TIAM1: variants seen among roughly 807,000 people sequenced by gnomAD.
The protein encoded by TIAM1 is TIAM Rac1 associated GEF 1, also known as rho guanine nucleotide exchange factor TIAM1.
Under a neutral mutation model 163.5 loss-of-function variants are expected in TIAM1, and 65 were observed. The ratio of observed to expected loss-of-function variants is 0.40; its 90% CI spans 0.33 to 0.49. The LOEUF is 0.49. Among genes scored for constraint, TIAM1 ranks in the 20% least tolerant of loss-of-function variants. The pLI, the probability that TIAM1 is intolerant of heterozygous loss-of-function variation, is 0.77. For missense variants in TIAM1, 1,789 were observed against 2,044.7 expected (o/e 0.87, Z 2.41); for synonymous variants, 833 against 810.1 (o/e 1.03, Z -0.48).
intron 6 of TIAM1, among the ~76,000 whole-genome samples, chr21:31,244,822 C>A (rs1433816413): frequency 6.6e-6 from 1 of 152,206 alleles, no homozygotes; most frequent in African/African-American, 2.4e-5. Flanking sequence ...GAAAATAATT[C>A]TTCAATGGAA....
In TIAM1 at chr21:31,453,197, T is replaced by A. The variant is rs1283026948; in HGVS notation, c.-369+10786A>T. ...GTTACGGCGGTGGAAAAACTTAAAG[T>A]TGCCTAGGAAGAGAATGTCTAAATA... On this transcript the variant is annotated intron_variant, in intron 2 of 28. Transcript: ENST00000286827. 1.9e-5 allele frequency: 5 copies of A among 264,420 alleles called. No individual in the cohort carries two copies. In the Admixed American group the frequency reaches 1.9e-4, roughly 10 times the overall value. 16.4% of individuals were successfully genotyped at this position (264,420 alleles called of 1,614,324 possible).
At chr21:31,453,918 C>T (rs1487965215) in intron 2 of TIAM1, among the ~76,000 whole-genome samples, 3 of 152,068 alleles carry the variant, frequency 2.0e-5, no homozygotes, top group African/African-American at 4.8e-5. Flanking sequence ...ACACTGGCCA[C>T]CTTTCTGTTG....
chr21:31,415,305 C>T (rs2043333958), intron 2 of TIAM1, among the ~76,000 whole-genome samples: 1 of 152,210 alleles, frequency 6.6e-6, no homozygotes, highest in Non-Finnish European at 1.5e-5. Flanking sequence ...ATATTCATAG[C>T]TGCCAATGAA....
intron 2 of TIAM1, among the ~76,000 whole-genome samples, chr21:31,281,825 G>C (rs2073580290): frequency 6.6e-6 from 1 of 152,076 alleles, no homozygotes; most frequent in Admixed American, 6.6e-5. Context: ...GATGGATAGA[G>C]TGATAGTGGA....
intron 2 of TIAM1, among the ~76,000 whole-genome samples, chr21:31,399,139 T>C (rs1241580837): frequency 6.6e-6 from 1 of 152,176 alleles, no homozygotes; most frequent in Non-Finnish European, 1.5e-5. Flanking sequence ...ATTTATACTA[T>C]GTATAATAAA....
At chr21:31,296,051 A>G (rs969724839) in intron 2 of TIAM1, among the ~76,000 whole-genome samples, 2 of 152,160 alleles carry the variant, frequency 1.3e-5, no homozygotes, top group Non-Finnish European at 2.9e-5. Context: ...CGCCTGCCTC[A>G]GCCTCCCAAA....
chr21:31,136,405 T>C (rs1341449025), intron 22 of TIAM1, among the ~76,000 whole-genome samples: 1 of 152,102 alleles, frequency 6.6e-6, no homozygotes, highest in Non-Finnish European at 1.5e-5. Context: ...AGATACAATA[T>C]CCAGTTAACC....
chr21:31,266,263 G>T lies in TIAM1; in HGVS notation c.710C>A (p.Ala237Asp), dbSNP rs2072757687. ...QRANSLGDLYAQKNSGVTANG... is the reference protein window; with the variant it reads ...QRANSLGDLYDQKNSGVTANG... ...TGCTGTCACTCCAGAGTTTTTCTGA[G>T]CATACAAGTCACCCAAGGAATTGGC... is the stretch of plus-strand genomic sequence containing the variant. The change falls in exon 4 of 28, where the codon GCT becomes GAT. Residue 237 changes from alanine to aspartate, a missense_variant. Transcript: ENST00000541036. 1 of 1,614,092 alleles carries T rather than the reference G, an allele frequency of 6.2e-7. No homozygotes were observed. Among genetic ancestry groups the T allele is most frequent in the Non-Finnish European group, 8.5e-7 (1 of 1,180,036 alleles).
intron 1 of TIAM1, among the ~76,000 whole-genome samples, chr21:31,481,763 A>T (rs1198820542): frequency 6.6e-6 from 1 of 152,176 alleles, no homozygotes; most frequent in Non-Finnish European, 1.5e-5. Flanking sequence ...ACCTCACAGC[A>T]CCAACATGTG....
rs111430316 is a variant in TIAM1 at position 31,133,320 on chromosome 21, G to A, written c.3884-2372C>T. 5.3e-5 allele frequency among the ~76,000 whole-genome samples: 8 copies of A among 152,264 alleles called. No homozygotes were observed. In the East Asian group the frequency reaches 7.7e-4, roughly 15 times the overall value. ...GAGGATTCTGAATAATGATAAACAC[G>A]TCTTGTACCTCAGAGCCTTCAGTTT... On this transcript the variant is annotated intron_variant, in intron 23 of 27. Transcript: ENST00000541036.
intron 2 of TIAM1, among the ~76,000 whole-genome samples, chr21:31,330,000 T>A (rs1274766524): frequency 6.6e-6 from 1 of 152,250 alleles, no homozygotes; most frequent in Non-Finnish European, 1.5e-5. Context: ...AACAGAATGG[T>A]CTGTTTGTTG....
At chr21:31,390,298 A>T (rs768803570) in intron 2 of TIAM1, among the ~76,000 whole-genome samples, 23 of 152,212 alleles carry the variant, frequency 1.5e-4, no homozygotes, top group Non-Finnish European at 2.8e-4. Flanking sequence ...CTCTAAAGCA[A>T]TTTGAGAATC....
At chr21:31,349,458 G>A (rs150411211) in intron 2 of TIAM1, among the ~76,000 whole-genome samples, 206 of 152,332 alleles carry the variant, frequency 1.4e-3, no homozygotes, top group African/African-American at 4.6e-3. Context: ...CAAGGGCCCT[G>A]GGTGCCTTGC....
At chr21:31,221,065 G>T (rs1160818534) in intron 8 of TIAM1, among the ~76,000 whole-genome samples, 1 of 151,980 alleles carries the variant, frequency 6.6e-6, no homozygotes, top group Admixed American at 6.6e-5. Flanking sequence ...AAAATTTCTG[G>T]ACAAAGACTA....
At chr21:31,330,957 T>G (rs1388879921) in intron 2 of TIAM1, among the ~76,000 whole-genome samples, 1 of 151,892 alleles carries the variant, frequency 6.6e-6, no homozygotes, top group African/African-American at 2.4e-5. Flanking sequence ...AAAGGTAAAA[T>G]GTGATTTGAA....
rs1484931787 is a variant in TIAM1 at position 31,223,523 on chromosome 21, G to A, written c.1878C>T (p.Ala626=). The change falls in exon 8 of 28, where the codon GCC becomes GCT. Residue 626 remains alanine, a synonymous_variant. Transcript: ENST00000541036. ...TTGGCAGCTCCCCACCCTGAAGGCT[G>A]GCTAAATAACAGCGGAAACGAAACA... ...MDLFRFRCYL[A]SLQGGELPNP... The A allele has an allele frequency of 1.9e-6, 3 of 1,613,680 alleles. No individual in the cohort carries two copies. The highest frequency in any genetic ancestry group is 2.2e-5 in the South Asian group (2 of 91,036).
chr21:31,210,634 A>G, intron 10 of TIAM1, among the ~76,000 whole-genome samples: 2 of 25,184 alleles, frequency 7.9e-5, no homozygotes, highest in Admixed American at 3.6e-4. Flanking sequence ...AGAAAGAAAG[A>G]AAGAAAGAAA....
At position 31,266,681 on chromosome 21, in the gene TIAM1, A is replaced by C. The variant is rs1159090982; in HGVS notation, c.292T>G (p.Leu98Val). Reference sequence around the variant, plus strand: ...GAGTCAGTGTAAGACACAGGTCTCAAGCCCATGTCCACTCGGTCCACCCAG... The same window carrying C: ...GAGTCAGTGTAAGACACAGGTCTCACGCCCATGTCCACTCGGTCCACCCAG... ...PIWVDRVDMG[L>V]RPVSYTDSSV... Residue 98 changes from leucine to valine, a missense_variant, in exon 4 of 28, where the codon TTG becomes GTG. Transcript: ENST00000541036. 1 of 1,614,092 alleles carries C rather than the reference A, an allele frequency of 6.2e-7. No individual in the cohort carries two copies. The highest frequency in any genetic ancestry group is 1.3e-5 in the African/African-American group (1 of 74,950).
chr21:31,187,571 A>C (rs1044137491), intron 13 of TIAM1, among the ~76,000 whole-genome samples: 2 of 152,174 alleles, frequency 1.3e-5, no homozygotes, highest in African/African-American at 2.4e-5. Flanking sequence ...AGCAAGATGC[A>C]ACTCACATTA....
Sources: allele counts gnomAD v4.1 joint callset (sites outside exome capture counted in the v4.1 genomes callset), GRCh38; gene constraint gnomAD v4.1.1; transcripts MANE v1.5; gene names NCBI Gene and HGNC (gene_info 2026-07-23, HGNC 2026-07-21).